Variants in SGTA observed in about 807,000 individuals in gnomAD.
SGTA encodes small glutamine-rich tetratricopeptide repeat-containing protein alpha.
SGTA carries 22 observed loss-of-function variants against 44.3 expected under a neutral mutation model. The ratio of observed to expected loss-of-function variants is 0.50; its 90% CI spans 0.36 to 0.71. The LOEUF is 0.71. Among genes scored for constraint, SGTA ranks in the 30% least tolerant of loss-of-function variants. The probability of loss-of-function intolerance (pLI) is 0.00; values close to 1 mark genes in which losing one functional copy is unlikely to be tolerated. For missense variants in SGTA, 341 were observed against 435.9 expected, an observed-to-expected ratio of 0.78 and a Z score of 1.94; for synonymous variants, 174 against 177.6, an observed-to-expected ratio of 0.98 and a Z score of 0.16.
rs1460838636 is a variant in SGTA, at chr19:2,767,965, A to G, written c.101-279T>C. On this transcript the variant is annotated intron_variant, in intron 2 of 11. Coordinates refer to ENST00000221566, the MANE Select transcript of SGTA (RefSeq NM_003021.4). The surrounding 1 kb of genome is among the most constrained non-coding windows in gnomAD (Gnocchi z 7.3). ...TGACCTCAGGCCTCTGTGGGGTCCC[A>G]ATGCTGGGGCTGCCCGGCTGCGGCG... Among the ~76,000 whole-genome samples the G allele has an allele frequency of 6.6e-6, 1 of 152,108 alleles. No homozygotes were observed. The highest frequency in any genetic ancestry group is 2.4e-5 in the African/African-American group (1 of 41,416).
intron 1 of SGTA, among the ~76,000 whole-genome samples, chr19:2,773,799 G>A (rs1302155186): frequency 1.4e-5 from 1 of 73,206 alleles, no homozygotes; most frequent in Non-Finnish European, 2.4e-5. Flanking sequence ...GGTGGGTGAC[G>A]CGGCCACACG....
rs1354137380 is a variant in SGTA at position 2,781,854 on chromosome 19, TTA to T, written c.-24+1377_-24+1378del. 1.8e-3 allele frequency among the ~76,000 whole-genome samples: 271 copies of T among 150,108 alleles called. 7 individuals are homozygous for T. Among genetic ancestry groups the T allele is most frequent in the African/African-American group, 5.9e-3 (242 of 40,764 alleles). Reference sequence around the variant, plus strand: ...CTGATCTAGGGTAGATTTTTTTTTTTTATTTTTGACAGGGTCTCGCTCTGTCG... The same window carrying T: ...CTGATCTAGGGTAGATTTTTTTTTTTTTTTTGACAGGGTCTCGCTCTGTCG... On this transcript the variant is annotated intron_variant, in intron 1 of 11. Transcript: ENST00000221566.
intron 9 of SGTA, among the ~76,000 whole-genome samples, chr19:2,758,582 C>T (rs1436457282): frequency 1.3e-5 from 2 of 152,134 alleles, no homozygotes; most frequent in East Asian, 1.9e-4. Context: ...CTCCCCAGTG[C>T]GCACAGCGCT....
At chr19:2,777,155 G>A (rs1204536334) in intron 1 of SGTA, among the ~76,000 whole-genome samples, 1 of 151,656 alleles carries the variant, frequency 6.6e-6, no homozygotes, top group Non-Finnish European at 1.5e-5. Flanking sequence ...GGAGGCTGAG[G>A]CAGGAGAATC....
intron 2 of SGTA, among the ~76,000 whole-genome samples, chr19:2,768,373 C>T (rs139641624): frequency 1.3e-5 from 2 of 152,318 alleles, no homozygotes; most frequent in Non-Finnish European, 2.9e-5. Context: ...GGTGTCCATG[C>T]TACAGAGGCC....
chr19:2,768,588 G>A (rs1015807951), intron 2 of SGTA, among the ~76,000 whole-genome samples: 1 of 152,218 alleles, frequency 6.6e-6, no homozygotes, highest in Admixed American at 6.5e-5. Flanking sequence ...AACGAGTCTG[G>A]GACTCTGGGG....
Position 2,765,075 on chromosome 19 carries a change from A to AT in SGTA, c.392+110dup. On this transcript the variant is annotated intron_variant, in intron 5 of 11. Coordinates refer to ENST00000221566, the MANE Select transcript of SGTA (RefSeq NM_003021.4). This position sits in a 1 kb window ranked among gnomAD's most constrained non-coding sequence, Gnocchi z 5.5. ...CTGGTCTGAGACCACCGGTGAATGG[A>AT]TCCCTCATCTACAGCGCAGAGGCCT... is the stretch of plus-strand genomic sequence containing the variant. 1 of 710,014 alleles carries AT rather than the reference A, an allele frequency of 1.4e-6. No individual in the cohort carries two copies. Among genetic ancestry groups the AT allele is most frequent in the Non-Finnish European group, 2.5e-6 (1 of 400,428 alleles). The allele number at this position is 710,014 out of a possible 1,614,324, so 44.0% of individuals were successfully genotyped here.
intron 1 of SGTA, among the ~76,000 whole-genome samples, chr19:2,775,610 CA>C (rs1443149698): frequency 6.6e-6 from 1 of 152,186 alleles, no homozygotes; most frequent in Non-Finnish European, 1.5e-5. Context: ...ACACCGACTC[CA>C]TTTCTATGAA....
chr19:2,760,757 T>C (rs1256603207), intron 8 of SGTA, among the ~76,000 whole-genome samples: 1 of 152,092 alleles, frequency 6.6e-6, no homozygotes, highest in African/African-American at 2.4e-5. Flanking sequence ...CTCTGCTGAA[T>C]GGCACGACCC....
chr19:2,765,921 C>A lies in SGTA; in HGVS notation c.293-636G>T, dbSNP rs1236775789. Among the ~76,000 whole-genome samples the A allele has an allele frequency of 2.6e-5, 4 of 152,182 alleles. No homozygotes were observed. ...TATAATTTACATGCCACAAAGCTTA[C>A]GCTTTAAAAATATAAGCCCGGGCGC... is the stretch of plus-strand genomic sequence containing the variant. On this transcript the variant is annotated intron_variant, in intron 4 of 11. Transcript: ENST00000221566. This position sits in a 1 kb window ranked among gnomAD's most constrained non-coding sequence, Gnocchi z 5.5.
chr19:2,759,211 G>A, intron 9 of SGTA, 46 bp downstream of exon 9: 1 of 1,582,368 alleles, frequency 6.3e-7, no homozygotes, highest in Non-Finnish European at 8.7e-7. Flanking sequence ...ACAATAAAAG[G>A]AAATTTAACC....
intron 5 of SGTA, among the ~76,000 whole-genome samples, chr19:2,764,605 C>T (rs1288001812): frequency 6.6e-6 from 1 of 152,010 alleles, no homozygotes; most frequent in Non-Finnish European, 1.5e-5. Context: ...GACAGAGTCT[C>T]CCTGTCACCC....
At position 2,754,974 on chromosome 19, in the gene SGTA, G is replaced by C. The variant is rs1914779080; in HGVS notation, c.*966C>G. 1.3e-5 allele frequency: 2 copies of C among 152,236 alleles called. No homozygotes were observed. The highest frequency in any genetic ancestry group is 4.8e-5 in the African/African-American group (2 of 41,458). The allele number at this position is 152,236 out of a possible 1,614,324, so 9.4% of individuals were successfully genotyped here. A position where few individuals can be genotyped will look rare whatever the true frequency, so the allele number is the denominator to read the frequency against. On this transcript the variant is annotated 3_prime_UTR_variant, in exon 12 of 12. Transcript: ENST00000221566. This position sits in a 1 kb window ranked among gnomAD's most constrained non-coding sequence, Gnocchi z 4.4. ...CCCCAGGCCTCAGGAACCCAGACAG[G>C]CTGCCTGCTGTCCGGCTCTCCGGCT...
chr19:2,761,607 C>T lies in SGTA; in HGVS notation c.637-85G>A. ...CCCTGGAACTCAGAAACAACGGCCC[C>T]CCACGGGGCTCAGACATTCTATCAA... On this transcript the variant is annotated intron_variant, in intron 7 of 11. Transcript: ENST00000221566. This position sits in a 1 kb window ranked among gnomAD's most constrained non-coding sequence, Gnocchi z 5.7. 2 of 1,106,608 alleles carry T rather than the reference C, an allele frequency of 1.8e-6. No homozygotes were observed. 68.5% of individuals were successfully genotyped at this position (1,106,608 alleles called of 1,614,324 possible).
In SGTA at chr19:2,779,098, C is replaced by G. The variant is rs187597848; in HGVS notation, c.-24+4135G>C. Among the ~76,000 whole-genome samples, 288 of 152,304 alleles carry G rather than the reference C, an allele frequency of 1.9e-3. 3 individuals are homozygous for G. The highest frequency in any genetic ancestry group is 6.4e-3 in the African/African-American group (265 of 41,570). ...CAGTTGAGACAACCACACATGTCCC[C>G]AGACACTGCCAAACCGCCCCCAGCT... On this transcript the variant is annotated intron_variant, in intron 1 of 11. Coordinates refer to ENST00000221566, the MANE Select transcript of SGTA (RefSeq NM_003021.4).
chr19:2,769,877 C>A (rs866592706), intron 1 of SGTA, among the ~76,000 whole-genome samples: 1 of 140,560 alleles, frequency 7.1e-6, no homozygotes, highest in Non-Finnish European at 1.6e-5. Context: ...CTGGTTCCCC[C>A]ACCGGACACC....
chr19:2,782,779 A>C (rs1915601351), intron 1 of SGTA: 1 of 152,234 alleles, frequency 6.6e-6, no homozygotes. Flanking sequence ...ACAGAGGGGA[A>C]AACTGAGGCT....
At chr19:2,772,779 C>T (rs1208381536) in intron 1 of SGTA, among the ~76,000 whole-genome samples, 2 of 146,426 alleles carry the variant, frequency 1.4e-5, no homozygotes, top group East Asian at 2.0e-4. Flanking sequence ...GTGACGCGGC[C>T]ACACGGCAGG....
chr19:2,772,496 C>T (rs1019230887), intron 1 of SGTA, among the ~76,000 whole-genome samples: 18 of 152,356 alleles, frequency 1.2e-4, no homozygotes, highest in Non-Finnish European at 2.1e-4. Flanking sequence ...ACCCTCTGCG[C>T]GCAGCCACGC....
Sources: gnomAD v4.1 joint callset for allele counts (sites outside exome capture counted in the v4.1 genomes callset) on GRCh38, gnomAD v4.1.1 for gene constraint, Gnocchi (gnomAD v3.1) non-coding constraint, MANE v1.5 for transcripts, NCBI Gene and HGNC (gene_info 2026-07-23, HGNC 2026-07-21) for gene names.